The following GRID2 variants were observed in gnomAD, a reference collection of about 807,000 sequenced individuals.
The protein encoded by GRID2 is glutamate receptor ionotropic, delta-2.
In GRID2, 33 loss-of-function variants were observed where a neutral mutation model predicts 114.8. The observed-to-expected ratio is 0.29, with a 90% CI of 0.22 to 0.38. The LOEUF is 0.38. Ranked by LOEUF, GRID2 falls within the 10% of genes least tolerant of loss-of-function variation. The pLI, the probability that GRID2 is intolerant of heterozygous loss-of-function variation, is 1.00. For missense variants in GRID2, 1,184 were observed against 1,257.7 expected (o/e 0.94, Z 0.89); for synonymous variants, 505 against 449.9 (o/e 1.12, Z -1.55).
chr4:93,702,541 A>G (rs1727605037), intron 14 of GRID2, among the ~76,000 whole-genome samples: 1 of 152,158 alleles, frequency 6.6e-6, no homozygotes. Context: ...AATGCTAAAA[A>G]AAATTATTGT....
chr4:92,751,249 G>C (rs1048738214), intron 2 of GRID2, among the ~76,000 whole-genome samples: 1 of 151,958 alleles, frequency 6.6e-6, no homozygotes, highest in Non-Finnish European at 1.5e-5. Flanking sequence ...AATGCAAAAA[G>C]ATACGTAGAT....
intron 2 of GRID2, among the ~76,000 whole-genome samples, chr4:92,727,499 G>A (rs919641184): frequency 1.3e-5 from 2 of 151,962 alleles, no homozygotes; most frequent in Non-Finnish European, 2.9e-5. Context: ...CTTCATCCCA[G>A]TTTGCTGATA....
At chr4:93,593,021 T>G (rs1403409618) in intron 13 of GRID2, among the ~76,000 whole-genome samples, 1 of 151,902 alleles carries the variant, frequency 6.6e-6, no homozygotes, top group Non-Finnish European at 1.5e-5. Flanking sequence ...AATTTGCCAG[T>G]CTGTGTCTTT....
intron 14 of GRID2, among the ~76,000 whole-genome samples, chr4:93,736,423 C>G (rs1202538105): frequency 2.6e-5 from 4 of 151,920 alleles, no homozygotes; most frequent in African/African-American, 9.7e-5. Context: ...GTTGTTTGTC[C>G]AAAGCTACAT....
intron 2 of GRID2, among the ~76,000 whole-genome samples, chr4:92,894,940 T>C (rs1216318518): frequency 1.3e-5 from 2 of 152,076 alleles, no homozygotes; most frequent in Admixed American, 6.6e-5. Flanking sequence ...TCAGTAAAGA[T>C]GCACTGTACG....
chr4:93,531,531 A>G (rs1731444486), intron 13 of GRID2, among the ~76,000 whole-genome samples: 1 of 152,040 alleles, frequency 6.6e-6, no homozygotes. Flanking sequence ...AAAATGGGGA[A>G]GAAAAAAGGA....
intron 2 of GRID2, among the ~76,000 whole-genome samples, chr4:93,046,474 T>TA (rs1447933963): frequency 1.3e-5 from 2 of 152,132 alleles, no homozygotes; most frequent in African/African-American, 4.8e-5. Context: ...ATAACCATCT[T>TA]AGCCACCTTG....
intron 14 of GRID2, among the ~76,000 whole-genome samples, chr4:93,698,134 C>A (rs1258134546): frequency 6.6e-6 from 1 of 151,842 alleles, no homozygotes; most frequent in Non-Finnish European, 1.5e-5. Context: ...CTGTCAAACA[C>A]TTTTATAAGC....
At chr4:93,280,052 A>G (rs1461721972) in intron 8 of GRID2, among the ~76,000 whole-genome samples, 2 of 152,036 alleles carry the variant, frequency 1.3e-5, no homozygotes, top group Non-Finnish European at 2.9e-5. Flanking sequence ...TTGCAGAAGT[A>G]CAAGCAAAAA....
At chr4:92,396,666 G>A (rs936823305) in intron 1 of GRID2, among the ~76,000 whole-genome samples, 10 of 151,898 alleles carry the variant, frequency 6.6e-5, no homozygotes, top group East Asian at 3.9e-4. Context: ...TGTATAAATC[G>A]TAATTATTAA....
At chr4:93,554,697 G>A (rs985187399) in intron 13 of GRID2, among the ~76,000 whole-genome samples, 1 of 152,116 alleles carries the variant, frequency 6.6e-6, no homozygotes, top group African/African-American at 2.4e-5. Context: ...AATCTCCTGA[G>A]CCCAAGCAAT....
At chr4:93,287,872 G>C (rs1385334778) in intron 8 of GRID2, among the ~76,000 whole-genome samples, 4 of 152,122 alleles carry the variant, frequency 2.6e-5, no homozygotes, top group Non-Finnish European at 4.4e-5. Context: ...ATACCAGTCT[G>C]TCAATATTAT....
In GRID2 at chr4:93,495,956, AAT is replaced by A. The variant is rs766289688; in HGVS notation, c.1997+5180_1997+5181del. Among the ~76,000 whole-genome samples, 33 of 151,796 alleles carry A rather than the reference AAT, an allele frequency of 2.2e-4. 1 individual carries two copies. The highest frequency in any genetic ancestry group is 3.2e-3 in the Middle Eastern group (1 of 316). ...CAGTGATTAATGAGGAAATTCTGGA[AAT>A]GACTCTGTTTAGGCTGCGTTTCACA... On this transcript the variant is annotated intron_variant, in intron 12 of 15. Transcript: ENST00000282020.
At chr4:93,648,033 C>T (rs1318209962) in intron 14 of GRID2, among the ~76,000 whole-genome samples, 1 of 152,106 alleles carries the variant, frequency 6.6e-6, no homozygotes, top group Non-Finnish European at 1.5e-5. Context: ...AATGGCTGAG[C>T]TAGGATTTGA....
At chr4:93,502,733 C>CCA (rs147212858) in intron 12 of GRID2, among the ~76,000 whole-genome samples, 80,656 of 140,340 alleles carry the variant, frequency 0.57, 23,147 homozygotes, top group East Asian at 0.67. Flanking sequence ...CACACGCACA[C>CCA]CACACACACA....
At chr4:92,600,058 A>G (rs1328984764) in intron 2 of GRID2, among the ~76,000 whole-genome samples, 89 of 120,896 alleles carry the variant, frequency 7.4e-4, no homozygotes, top group African/African-American at 1.1e-3. Context: ...ATATATATAT[A>G]TATATATATA....
At chr4:93,665,647 C>T (rs919511678) in intron 14 of GRID2, among the ~76,000 whole-genome samples, 3 of 152,150 alleles carry the variant, frequency 2.0e-5, no homozygotes, top group African/African-American at 7.2e-5. Flanking sequence ...TTTGACTGCT[C>T]TAAATGCTAT....
intron 1 of GRID2, among the ~76,000 whole-genome samples, chr4:92,379,168 T>C (rs1237684400): frequency 2.0e-5 from 3 of 151,864 alleles, no homozygotes; most frequent in Non-Finnish European, 4.4e-5. Context: ...ACTTGTATGA[T>C]TATTGGCATA....
At chr4:92,854,494 A>G (rs1744042128) in intron 2 of GRID2, among the ~76,000 whole-genome samples, 1 of 151,264 alleles carries the variant, frequency 6.6e-6, no homozygotes, top group Non-Finnish European at 1.5e-5. Context: ...TTAATTATAC[A>G]TGTTTCGAAC....
Sources: allele counts gnomAD v4.1 joint callset (sites outside exome capture counted in the v4.1 genomes callset), GRCh38; gene constraint gnomAD v4.1.1; transcripts MANE v1.5; gene names NCBI Gene and HGNC (gene_info 2026-07-23, HGNC 2026-07-21).